Variants in ZNF623 observed in about 807,000 individuals in gnomAD.
ZNF623 encodes the protein zinc finger protein 623.
ZNF623 carries 16 observed loss-of-function variants against 24.0 expected under a neutral mutation model. The ratio of observed to expected loss-of-function variants is 0.67; its 90% CI spans 0.45 to 1.01. The LOEUF (loss-of-function observed/expected upper bound fraction) is 1.01, where lower values mean the gene tolerates loss of function less well. Ranked by LOEUF, ZNF623 falls within the 50% of genes least tolerant of loss-of-function variation. The pLI, the probability that ZNF623 is intolerant of heterozygous loss-of-function variation, is 0.00. For missense variants in ZNF623, 566 were observed against 606.5 expected (o/e 0.93, Z 0.70); for synonymous variants, 224 against 219.8 (o/e 1.02, Z -0.17).
At chr8:143,647,905 G>C (rs989000526) in intron 1 of ZNF623, among the ~76,000 whole-genome samples, 2 of 152,224 alleles carry the variant, frequency 1.3e-5, no homozygotes, top group African/African-American at 4.8e-5. Context: ...GTTTTGAACA[G>C]ATGTGGAGTG....
At chr8:143,644,926 C>T (rs575964825) in intron 1 of ZNF623, among the ~76,000 whole-genome samples, 4 of 147,300 alleles carry the variant, frequency 2.7e-5, no homozygotes, top group Non-Finnish European at 4.5e-5. Context: ...TTTGGGAGTT[C>T]GAGACCAGCC....
intron 1 of ZNF623, 175 bp downstream of exon 1, chr8:143,636,320 C>G (rs1031883958): frequency 6.6e-6 from 1 of 152,216 alleles, no homozygotes; most frequent in Non-Finnish European, 1.5e-5. Context: ...GTCAGTCTCC[C>G]GGACGCAGCC....
Position 143,649,881 on chromosome 8 carries a change from G to A in ZNF623, c.-95-17G>A, listed in dbSNP as rs1287932143. The A allele has an allele frequency of 6.3e-7, 1 of 1,599,618 alleles. No individual in the cohort carries two copies. Among genetic ancestry groups the A allele is most frequent in the Non-Finnish European group, 8.6e-7 (1 of 1,169,442 alleles). ...GTTAAGTAAGGGGAAAGATGATTTTGTTGTCTTTTGTTTCAGATTCTAATG... is the reference window on the plus strand; with the variant it reads ...GTTAAGTAAGGGGAAAGATGATTTTATTGTCTTTTGTTTCAGATTCTAATG... On this transcript the variant is annotated splice_polypyrimidine_tract_variant and intron_variant, in intron 1 of 1. Transcript: ENST00000526926.
chr8:143,645,333 T>TG lies in ZNF623; in HGVS notation c.-95-4565_-95-4564insG, dbSNP rs1815153256. 3.4e-5 allele frequency among the ~76,000 whole-genome samples: 5 copies of TG among 147,880 alleles called. No homozygotes were observed. The Admixed American group carries it at 3.4e-4, about 10-fold the overall frequency. ...GGCGGGCGCCTGTAGTCCCAGTTGC[T>TG]CGGCAGGAGAATGGCGTGAACCCAG... On this transcript the variant is annotated intron_variant, in intron 1 of 1. Coordinates refer to ENST00000526926, the MANE Select transcript of ZNF623 (RefSeq NM_001261843.2).
chr8:143,647,246 C>T (rs904616507), intron 1 of ZNF623, among the ~76,000 whole-genome samples: 10 of 152,110 alleles, frequency 6.6e-5, no homozygotes, highest in Admixed American at 2.6e-4. Context: ...CTGCAAGCTC[C>T]GCCTCCTGGG....
At chr8:143,641,346 C>G (rs1413379980) in intron 1 of ZNF623, among the ~76,000 whole-genome samples, 2 of 152,000 alleles carry the variant, frequency 1.3e-5, no homozygotes, top group Non-Finnish European at 2.9e-5. Flanking sequence ...CCAGGGGCTG[C>G]AGAATGCACG....
rs1563702890 is a variant in ZNF623 at position 143,651,189 on chromosome 8, C to T, written c.1197C>T (p.Ala399=). 1.2e-6 allele frequency: 2 copies of T among 1,614,162 alleles called. No homozygotes were observed. The highest frequency in any genetic ancestry group is 2.2e-5 in the East Asian group (1 of 44,876). Reference sequence around the variant, plus strand: ...TCGAATGTAAAGACTGTGGGAAAGCCTTCATCCAGAGCTCCAAGCTGCTTC... The same window carrying T: ...TCGAATGTAAAGACTGTGGGAAAGCTTTCATCCAGAGCTCCAAGCTGCTTC... ...RPFECKDCGK[A]FIQSSKLLLH... Residue 399 remains alanine (A), a synonymous_variant, in exon 2 of 2, where the codon GCC becomes GCT. Transcript: ENST00000526926.
At position 143,651,776 on chromosome 8, in the gene ZNF623, A is replaced by T. The variant is rs1359709394; in HGVS notation, c.*293A>T. The T allele has an allele frequency of 5.3e-6, 2 of 377,284 alleles. No individual in the cohort carries two copies. The highest frequency in any genetic ancestry group is 9.9e-6 in the Non-Finnish European group (2 of 201,574). The allele number at this position is 377,284 out of a possible 1,614,324, so 23.4% of individuals were successfully genotyped here. On this transcript the variant is annotated 3_prime_UTR_variant, in exon 2 of 2. Transcript: ENST00000526926. ...TTTTAAGAAGTTTCATCCCCAGTTA[A>T]GCAGAGTCCATCCTTGACTTAAATC...
rs1410627059 is a variant in ZNF623 at position 143,649,978 on chromosome 8, G to C, written c.-15G>C. 1 of 1,614,208 alleles carries C rather than the reference G, an allele frequency of 6.2e-7. No homozygotes were observed. Among genetic ancestry groups the C allele is most frequent in the South Asian group, 1.1e-5 (1 of 91,082 alleles). ...TGAAAACTCACATAGGACGACGTCAGACAGACTCACGGTGATGGAGCTCCC... is the reference window on the plus strand; with the variant it reads ...TGAAAACTCACATAGGACGACGTCACACAGACTCACGGTGATGGAGCTCCC... On this transcript the variant is annotated 5_prime_UTR_variant, in exon 2 of 2. Coordinates refer to ENST00000526926, the MANE Select transcript of ZNF623 (RefSeq NM_001261843.2).
chr8:143,648,545 T>A lies in ZNF623; in HGVS notation c.-95-1353T>A, dbSNP rs114443893. Reference sequence around the variant, plus strand: ...TGGGACATGGGGCCCATGACGTGCATTTTTCAGGTCGCTGGGAACTGGCGC... The same window carrying A: ...TGGGACATGGGGCCCATGACGTGCAATTTTCAGGTCGCTGGGAACTGGCGC... On this transcript the variant is annotated intron_variant, in intron 1 of 1. Coordinates refer to ENST00000526926, the MANE Select transcript of ZNF623 (RefSeq NM_001261843.2). Among the ~76,000 whole-genome samples the A allele has an allele frequency of 8.1e-3, 1,228 of 152,030 alleles. 22 individuals carry two copies. The highest frequency in any genetic ancestry group is 0.028 in the African/African-American group (1,168 of 41,434).
chr8:143,650,841 G>A lies in ZNF623; in HGVS notation c.849G>A (p.Glu283=), dbSNP rs1815289269. Residue 283 remains glutamate (E), a synonymous_variant, in exon 2 of 2, where the codon GAG becomes GAA. Coordinates refer to ENST00000526926, the MANE Select transcript of ZNF623 (RefSeq NM_001261843.2). This position sits in a 1 kb window ranked among gnomAD's most constrained non-coding sequence, Gnocchi z 5.2. ...HTGERPFECN[E]CGKAFIRSSK... ...GAGAGAGACCCTTTGAATGCAATGA[G>A]TGTGGGAAAGCCTTTATTCGGAGTT... 1 of 1,614,106 alleles carries A rather than the reference G, an allele frequency of 6.2e-7. No homozygotes were observed. Among genetic ancestry groups the A allele is most frequent in the South Asian group, 1.1e-5 (1 of 91,092 alleles).
chr8:143,643,922 G>C (rs1249799753), intron 1 of ZNF623, among the ~76,000 whole-genome samples: 1 of 152,194 alleles, frequency 6.6e-6, no homozygotes, highest in African/African-American at 2.4e-5. Context: ...CTGCAGGGTA[G>C]GCTTGCAGTT....
Position 143,650,022 on chromosome 8 carries a change from A to C in ZNF623, c.30A>C (p.Glu10Asp). Reference protein sequence around the residue: MELPSPESEEVHEPRLGELL... With the variant: MELPSPESEDVHEPRLGELL... Reference sequence around the variant, plus strand: ...AGCTCCCCTCTCCCGAGTCTGAGGAAGTCCACGAGCCCAGATTAGGGGAGC... The same window carrying C: ...AGCTCCCCTCTCCCGAGTCTGAGGACGTCCACGAGCCCAGATTAGGGGAGC... The change falls in exon 2 of 2, where the codon GAA becomes GAC. Residue 10 changes from glutamate to aspartate, a missense_variant. This residue lies in a region of ZNF623 where 313 missense variants were observed against 300.4 expected (regional missense o/e 1.04). Coordinates refer to ENST00000526926, the MANE Select transcript of ZNF623 (RefSeq NM_001261843.2). The surrounding 1 kb of genome is among the most constrained non-coding windows in gnomAD (Gnocchi z 5.2). 6.2e-7 allele frequency: 1 copy of C among 1,614,184 alleles called. No individual in the cohort carries two copies. The highest frequency in any genetic ancestry group is 8.5e-7 in the Non-Finnish European group (1 of 1,180,022).
intron 1 of ZNF623, among the ~76,000 whole-genome samples, chr8:143,642,678 T>A (rs1815082589): frequency 1.3e-5 from 2 of 152,154 alleles, no homozygotes; most frequent in South Asian, 4.1e-4. Flanking sequence ...AATATTGTTA[T>A]ATCCAGGGAA....
At chr8:143,645,450 A>G (rs1815156715) in intron 1 of ZNF623, among the ~76,000 whole-genome samples, 3 of 151,488 alleles carry the variant, frequency 2.0e-5, no homozygotes, top group Non-Finnish European at 4.4e-5. Flanking sequence ...AAAAAAGACA[A>G]ATCCTCAGAC....
intron 1 of ZNF623, among the ~76,000 whole-genome samples, chr8:143,645,338 A>G (rs1433089461): frequency 1.2e-4 from 18 of 151,592 alleles, no homozygotes; most frequent in Non-Finnish European, 5.9e-5. Flanking sequence ...GTTGCTCGGC[A>G]GGAGAATGGC....
In ZNF623 at chr8:143,651,309, A is replaced by T; in HGVS notation, c.1317A>T (p.Lys439Asn). ...GGTCAAACTTCCTTCAACACCAGAA[A>T]ATTCATACTGAAGAGAAGCTCTATG... ...IQRSNFLQHQ[K>N]IHTEEKLYEC... is the part of the protein sequence containing the mutation. The change falls in exon 2 of 2, where the codon AAA becomes AAT. Residue 439 changes from lysine (K) to asparagine (N), a missense_variant. Physicochemically the swap from Lys to Asn is moderately conservative, Grantham distance 94 (BLOSUM62 0). This residue lies in a region of ZNF623 where 136 missense variants were observed against 131.9 expected (regional missense o/e 1.03). Transcript: ENST00000526926. The T allele has an allele frequency of 1.2e-6, 2 of 1,614,212 alleles. No homozygotes were observed. Among genetic ancestry groups the T allele is most frequent in the Non-Finnish European group, 1.7e-6 (2 of 1,180,042 alleles).
At chr8:143,636,545 T>G (rs1339014939) in intron 1 of ZNF623, 3 of 152,358 alleles carry the variant, frequency 2.0e-5, no homozygotes, top group Non-Finnish European at 4.4e-5. Context: ...AGACATGTTT[T>G]ACGGTGTGGC....
In ZNF623 at chr8:143,652,669, G is replaced by A. The variant is rs953027636; in HGVS notation, c.*1186G>A. ...GGCTCAGCTGGAACAGTGGGGACAG[G>A]AGGAGGCAGGTCTCAAGAGAAGGTC... On this transcript the variant is annotated 3_prime_UTR_variant, in exon 2 of 2. Coordinates refer to ENST00000526926, the MANE Select transcript of ZNF623 (RefSeq NM_001261843.2). 2 of 167,118 alleles carry A rather than the reference G, an allele frequency of 1.2e-5. No homozygotes were observed. Among genetic ancestry groups the A allele is most frequent in the Non-Finnish European group, 2.9e-5 (2 of 68,150 alleles). The allele number at this position is 167,118 out of a possible 1,614,324, so 10.4% of individuals were successfully genotyped here. A position where few individuals can be genotyped will look rare whatever the true frequency, so the allele number is the denominator to read the frequency against.
Sources: allele counts gnomAD v4.1 joint callset (sites outside exome capture counted in the v4.1 genomes callset), GRCh38; gene constraint gnomAD v4.1.1; regional missense constraint gnomAD v4.1.1; non-coding constraint Gnocchi (gnomAD v3.1); transcripts MANE v1.5; gene names NCBI Gene and HGNC (gene_info 2026-07-23, HGNC 2026-07-21).